SYTL3: variants seen among roughly 807,000 people sequenced by gnomAD.
SYTL3 encodes the protein synaptotagmin like 3.
Under a neutral mutation model 82.1 loss-of-function variants are expected in SYTL3, and 88 were observed. The ratio of observed to expected loss-of-function variants is 1.07; its 90% CI spans 0.90 to 1.28. The LOEUF is 1.28. Ranked by LOEUF, SYTL3 falls within the 50% of genes most tolerant of loss-of-function variation. SYTL3 has a pLI of 0.00. For missense variants in SYTL3, 831 were observed against 757.6 expected (o/e 1.10, Z -1.14); for synonymous variants, 311 against 289.4 (o/e 1.07, Z -0.76).
In SYTL3 at chr6:158,665,577, C is replaced by G. The variant is rs1789949064; in HGVS notation, c.293C>G (p.Thr98Ser). ...CAQCRVFLRG[T>S]HAWKCTVCFE... ...CAGTGCCGAGTGTTCCTGAGGGGGA[C>G]CCATGCCTGGAAGTGCACGGTGTGC... is the stretch of plus-strand genomic sequence containing the variant. Residue 98 changes from threonine (T) to serine (S), a missense_variant, in exon 5 of 18, where the codon ACC (threonine) becomes AGC (serine). By Grantham distance (58) the Thr-to-Ser change is moderately conservative. Coordinates refer to ENST00000611299, the MANE Select transcript of SYTL3 (RefSeq NM_001242394.2). 9 of 1,577,028 alleles carry G rather than the reference C, an allele frequency of 5.7e-6. No individual in the cohort carries two copies. Among genetic ancestry groups the G allele is most frequent in the Non-Finnish European group, 7.7e-6 (9 of 1,161,802 alleles).
At position 158,760,659 on chromosome 6, in the gene SYTL3, G is replaced by T; in HGVS notation, c.1328G>T (p.Ser443Ile). 1.2e-6 allele frequency: 2 copies of T among 1,614,042 alleles called. No individual in the cohort carries two copies. Among genetic ancestry groups the T allele is most frequent in the South Asian group, 1.1e-5 (1 of 91,080 alleles). Reference sequence around the variant, plus strand: ...CCCCAGGCGGAGAAATACGAAGACAGCGTTCCTCAGAGTAATGGAGAGCTC... The same window carrying T: ...CCCCAGGCGGAGAAATACGAAGACATCGTTCCTCAGAGTAATGGAGAGCTC... ...LRAKAEKYED[S>I]VPQSNGELTV... The change falls in exon 15 of 18, where the codon AGC becomes ATC. Residue 443 changes from serine to isoleucine, a missense_variant. Coordinates refer to ENST00000611299, the MANE Select transcript of SYTL3 (RefSeq NM_001242394.2).
chr6:158,728,828 G>T (rs1050602509), intron 11 of SYTL3, among the ~76,000 whole-genome samples: 45 of 152,202 alleles, frequency 3.0e-4, no homozygotes, highest in African/African-American at 1.0e-3. Context: ...CTCCAGCCTG[G>T]GTGGCTAACA....
chr6:158,709,447 A>G (rs530777797), intron 8 of SYTL3, among the ~76,000 whole-genome samples: 2 of 152,322 alleles, frequency 1.3e-5, no homozygotes, highest in East Asian at 1.9e-4. Flanking sequence ...TATTGCTTTC[A>G]CACCATCATC....
chr6:158,751,902 C>CTGTCCCCGCT, intron 12 of SYTL3, 26 bp from the exon 13 acceptor site: 1 of 1,551,700 alleles, frequency 6.4e-7, no homozygotes, highest in Non-Finnish European at 8.8e-7. Context: ...AGTTCTCACT[C>CTGTCCCCGCT]TGTCCCCGCT....
intron 12 of SYTL3, 152 bp downstream of exon 12, chr6:158,745,810 C>T: frequency 1.4e-6 from 1 of 693,208 alleles, no homozygotes; most frequent in East Asian, 2.8e-5. Flanking sequence ...TGTAGCAATG[C>T]AAACAATGTG....
intron 6 of SYTL3, among the ~76,000 whole-genome samples, chr6:158,702,268 G>T (rs1208843875): frequency 6.7e-6 from 1 of 149,486 alleles, no homozygotes; most frequent in Admixed American, 6.7e-5. Flanking sequence ...GGAGGTTGCA[G>T]TGAACCAAGA....
chr6:158,753,917 C>G (rs2128533288), intron 13 of SYTL3, among the ~76,000 whole-genome samples: 1 of 151,772 alleles, frequency 6.6e-6, no homozygotes, highest in Middle Eastern at 3.4e-3. Flanking sequence ...TCTAATTGAT[C>G]CTAAATGCAA....
intron 12 of SYTL3, among the ~76,000 whole-genome samples, chr6:158,749,507 C>CTCTTT (rs1554264331): frequency 9.1e-5 from 6 of 66,028 alleles, no homozygotes; most frequent in Middle Eastern, 0.011. Flanking sequence ...TTCTTTCTCT[C>CTCTTT]TTTTTTTTTT....
At chr6:158,680,777 GCT>G (rs1425073887) in intron 5 of SYTL3, among the ~76,000 whole-genome samples, 1 of 152,002 alleles carries the variant, frequency 6.6e-6, no homozygotes, top group Non-Finnish European at 1.5e-5. Flanking sequence ...ATTCTTAAAT[GCT>G]CTTTCTATAT....
intron 11 of SYTL3, among the ~76,000 whole-genome samples, chr6:158,744,974 A>G (rs75900018): frequency 0.026 from 3,904 of 152,174 alleles, 67 homozygotes; most frequent in South Asian, 0.054. Context: ...GCTTTATTCT[A>G]TTTATTCCTC....
chr6:158,645,502 A>C (rs1487434341), upstream of SYTL3, among the ~76,000 whole-genome samples: 3 of 152,154 alleles, frequency 2.0e-5, no homozygotes, highest in African/African-American at 7.2e-5. Context: ...TTCGTCATGC[A>C]CTTGAATTCA....
chr6:158,683,482 G>A (rs1218911229), intron 6 of SYTL3, among the ~76,000 whole-genome samples: 1 of 152,262 alleles, frequency 6.6e-6, no homozygotes, highest in Non-Finnish European at 1.5e-5. Flanking sequence ...GCCTCCCAAG[G>A]TGCTGGGATT....
chr6:158,764,759 T>A lies in SYTL3; in HGVS notation c.*155T>A, dbSNP rs780686994. On this transcript the variant is annotated 3_prime_UTR_variant, in exon 18 of 18. Coordinates refer to ENST00000611299, the MANE Select transcript of SYTL3 (RefSeq NM_001242394.2). ...GTCCCATGGCTTAACCGCCTATTGG[T>A]ATCTGTGTATATTTACGTTAAACAC... The A allele has an allele frequency of 3.1e-5, 18 of 577,990 alleles. No individual in the cohort carries two copies. The highest frequency in any genetic ancestry group is 3.1e-5 in the Non-Finnish European group (10 of 321,032). The allele number at this position is 577,990 out of a possible 1,614,324, so 35.8% of individuals were successfully genotyped here. A position where few individuals can be genotyped will look rare whatever the true frequency, so the allele number is the denominator to read the frequency against.
chr6:158,746,623 G>A lies in SYTL3; in HGVS notation c.1034+965G>A, dbSNP rs1036456431. 6.6e-5 allele frequency among the ~76,000 whole-genome samples: 10 copies of A among 151,374 alleles called. No individual in the cohort carries two copies. In the East Asian group the frequency reaches 1.2e-3, roughly 18 times the overall value. On this transcript the variant is annotated intron_variant, in intron 12 of 17. Transcript: ENST00000611299. The stretch of plus-strand genomic sequence containing the variant: ...TGGGACTACAGGCGTGCACCACCAC[G>A]CCCAGCTAATTTTTGTATTTTTAGT...
At chr6:158,720,785 G>A (rs1475540781) in intron 10 of SYTL3, among the ~76,000 whole-genome samples, 4 of 152,124 alleles carry the variant, frequency 2.6e-5, no homozygotes, top group African/African-American at 7.2e-5. Flanking sequence ...AGGGACACTG[G>A]GGCAAAGAGA....
chr6:158,675,881 C>T, intron 5 of SYTL3, among the ~76,000 whole-genome samples: 1 of 152,080 alleles, frequency 6.6e-6, no homozygotes, highest in Non-Finnish European at 1.5e-5. Context: ...ACCCGGGAGG[C>T]GGAGCTTGCA....
intron 5 of SYTL3, among the ~76,000 whole-genome samples, chr6:158,680,002 G>C (rs1023905604): frequency 6.6e-6 from 1 of 152,170 alleles, no homozygotes; most frequent in African/African-American, 2.4e-5. Flanking sequence ...GAGGAGATGA[G>C]CTGAAATGGG....
At chr6:158,732,426 G>A (rs917898726) in intron 11 of SYTL3, among the ~76,000 whole-genome samples, 4 of 152,252 alleles carry the variant, frequency 2.6e-5, no homozygotes, top group Non-Finnish European at 5.9e-5. Flanking sequence ...AAATAAAAGC[G>A]ACTGTTACGC....
chr6:158,651,082 G>A (rs1043972086), intron 1 of SYTL3, among the ~76,000 whole-genome samples: 10 of 152,244 alleles, frequency 6.6e-5, no homozygotes, highest in Non-Finnish European at 1.5e-4. Flanking sequence ...AGTTTAGAGT[G>A]TGAGTTTAGG....
Sources: gnomAD v4.1 joint callset for allele counts (sites outside exome capture counted in the v4.1 genomes callset) on GRCh38, gnomAD v4.1.1 for gene constraint, MANE v1.5 for transcripts, NCBI Gene and HGNC (gene_info 2026-07-23, HGNC 2026-07-21) for gene names.